Variants in SREBF1 observed in about 807,000 individuals in gnomAD.
SREBF1 encodes the protein sterol regulatory element-binding protein 1.
Under a neutral mutation model 100.1 loss-of-function variants are expected in SREBF1, and 45 were observed. That is an observed-to-expected ratio of 0.45 (90% CI 0.35 to 0.58). SREBF1 has a LOEUF of 0.58. SREBF1 is among the 20% of genes least tolerant of loss of function. The pLI is 0.00. For missense variants in SREBF1, 1,324 were observed against 1,539.4 expected (o/e 0.86, Z 2.34); for synonymous variants, 657 against 681.8 (o/e 0.96, Z 0.57).
rs2033913624 is a variant in SREBF1, at chr17:17,819,430, T to C, written c.736A>G (p.Lys246Glu). 1 of 1,613,680 alleles carries C rather than the reference T, an allele frequency of 6.2e-7. No homozygotes were observed. Among genetic ancestry groups the C allele is most frequent in the Non-Finnish European group, 8.5e-7 (1 of 1,180,044 alleles). ...VPVLLQPHFI[K>E]ADSLLLTAMK... ...GCTGTCAGAAGCAGCGAGTCTGCCTTGATGAAGTGGGGCTGCAGCAGGACC... is the reference window on the plus strand; with the variant it reads ...GCTGTCAGAAGCAGCGAGTCTGCCTCGATGAAGTGGGGCTGCAGCAGGACC... The change falls in exon 4 of 19, where the codon AAG becomes GAG. Residue 246 changes from lysine (K) to glutamate (E), a missense_variant. Lys to Glu is a moderately conservative substitution (Grantham distance 56, BLOSUM62 1). Coordinates refer to ENST00000261646, the MANE Select transcript of SREBF1 (RefSeq NM_004176.5).
In SREBF1 at chr17:17,816,566, T is replaced by C. The variant is rs1259883009; in HGVS notation, c.1938A>G (p.Ala646=). The C allele has an allele frequency of 1.2e-6, 2 of 1,605,514 alleles. No homozygotes were observed. The highest frequency in any genetic ancestry group is 1.7e-6 in the Non-Finnish European group (2 of 1,177,034). ...LQRLWVGRWL[A]GRAGGLQQDC... is the part of the protein sequence containing the mutation. The stretch of plus-strand genomic sequence containing the variant: ...CCTGCTGCAGGCCCCCTGCCCGGCC[T>C]GCCAGCCAGCGGCCCACCCAGAGAC... The change falls in exon 10 of 19, where the codon GCA becomes GCG. Residue 646 remains alanine, a synonymous_variant. Coordinates refer to ENST00000261646, the MANE Select transcript of SREBF1 (RefSeq NM_004176.5).
chr17:17,819,868 A>T (rs535533595), intron 2 of SREBF1, 143 bp from the exon 3 acceptor site: 1 of 1,271,664 alleles, frequency 7.9e-7, no homozygotes, highest in East Asian at 2.5e-5. Context: ...CTGGGCTCTG[A>T]TGCAAATGCA....
In SREBF1 at chr17:17,819,299, T is replaced by C. The variant is rs1158608283; in HGVS notation, c.846+21A>G. ...TGTGTGTGTAGACCCCACTCCCTTA[T>C]GCCCTGCCCACGTCACCCACCGGCA... On this transcript the variant is annotated intron_variant, in intron 4 of 18. Coordinates refer to ENST00000261646, the MANE Select transcript of SREBF1 (RefSeq NM_004176.5). 7 of 1,613,548 alleles carry C rather than the reference T, an allele frequency of 4.3e-6. No individual in the cohort carries two copies. In the African/African-American group the frequency reaches 5.3e-5, roughly 12 times the overall value.
In SREBF1 at chr17:17,817,772, A is replaced by G; in HGVS notation, c.1328T>C (p.Leu443Pro). 6.2e-7 allele frequency: 1 copy of G among 1,613,780 alleles called. No homozygotes were observed. Among genetic ancestry groups the G allele is most frequent in the Admixed American group, 1.7e-5 (1 of 60,010 alleles). ...ACCGCTGCCACTGCCCCTGCTGCCA[A>G]GGGACAAGGGGCTGCTCTGGAAAGG... is the stretch of plus-strand genomic sequence containing the variant. ...GSPFQSSPLSLGSRGSGSGGS... is the reference protein window; with the variant it reads ...GSPFQSSPLSPGSRGSGSGGS... The change falls in exon 7 of 19, where the codon CTT (leucine) becomes CCT (proline). Residue 443 changes from leucine (L) to proline (P), a missense_variant. Physicochemically the swap from Leu to Pro is moderately conservative, Grantham distance 98. Coordinates refer to ENST00000261646, the MANE Select transcript of SREBF1 (RefSeq NM_004176.5). The surrounding 1 kb of genome is among the most constrained non-coding windows in gnomAD (Gnocchi z 6.6).
intron 1 of SREBF1, among the ~76,000 whole-genome samples, chr17:17,828,000 G>A (rs567149060): frequency 6.6e-6 from 1 of 152,280 alleles, no homozygotes; most frequent in East Asian, 1.9e-4. Flanking sequence ...CAAATTAGAG[G>A]CTGGGCCTCA....
rs779472546 is a variant in SREBF1, at chr17:17,816,333, C to T, written c.2088G>A (p.Ala696=). 57 of 1,586,068 alleles carry T rather than the reference C, an allele frequency of 3.6e-5. No individual in the cohort carries two copies. Among genetic ancestry groups the T allele is most frequent in the Non-Finnish European group, 4.3e-5 (50 of 1,168,638 alleles). The change falls in exon 11 of 19, where the codon GCG becomes GCA. Residue 696 remains alanine, a synonymous_variant. Transcript: ENST00000261646. The part of the protein sequence containing the change: ...TGGHLTATNL[A]LSALNLAECA... The stretch of plus-strand genomic sequence containing the variant: ...ACTCTGCCAGGTTCAGGGCACTCAG[C>T]GCCAGGTTGGTGGCAGTGAGGTGCC...
intron 1 of SREBF1, among the ~76,000 whole-genome samples, chr17:17,836,257 G>A (rs1271689365): frequency 2.0e-5 from 3 of 152,294 alleles, no homozygotes; most frequent in Admixed American, 2.0e-4. Flanking sequence ...AAGGGCGCGA[G>A]GCAGCGCCCA....
Position 17,814,841 on chromosome 17 carries a change from T to C in SREBF1, c.2596A>G (p.Thr866Ala), listed in dbSNP as rs1033709519. The C allele has an allele frequency of 3.8e-6, 6 of 1,595,668 alleles. No homozygotes were observed. In the African/African-American group the frequency reaches 8.0e-5, roughly 21 times the overall value. ...ACAGGGGCCGGGGACTCACCGGTGG[T>C]GGTGGCCATGCTGGAACTGATGGAG... ...SFSISSSMAT[T>A]TGVDPVAKWW... Residue 866 changes from threonine (T) to alanine (A), a missense_variant, in exon 14 of 19, where the codon ACC becomes GCC. Physicochemically the swap from Thr to Ala is moderately conservative, Grantham distance 58 (BLOSUM62 0). Transcript: ENST00000261646.
intron 1 of SREBF1, among the ~76,000 whole-genome samples, chr17:17,825,177 A>G (rs1435525910): frequency 6.6e-6 from 1 of 152,194 alleles, no homozygotes; most frequent in African/African-American, 2.4e-5. Flanking sequence ...ACAAGCAGAT[A>G]CTAGCCTGAG....
At position 17,824,910 on chromosome 17, in the gene SREBF1, G is replaced by A. The variant is rs1401878257; in HGVS notation, c.92-4389C>T. Reference sequence around the variant, plus strand: ...AGGCCCTTATTTCCCAGCTTTGGGAGGTTCAAGGACAACAGACGGCCTCTC... The same window carrying A: ...AGGCCCTTATTTCCCAGCTTTGGGAAGTTCAAGGACAACAGACGGCCTCTC... On this transcript the variant is annotated intron_variant, in intron 1 of 18. Transcript: ENST00000261646. The surrounding 1 kb of genome is among the most constrained non-coding windows in gnomAD (Gnocchi z 4.2). Among the ~76,000 whole-genome samples, 1 of 152,176 alleles carries A rather than the reference G, an allele frequency of 6.6e-6. No individual in the cohort carries two copies. Among genetic ancestry groups the A allele is most frequent in the Non-Finnish European group, 1.5e-5 (1 of 68,018 alleles).
At position 17,819,659 on chromosome 17, in the gene SREBF1, G is replaced by A. The variant is rs114001633; in HGVS notation, c.590C>T (p.Pro197Leu). 7.0e-3 allele frequency: 11,231 copies of A among 1,612,308 alleles called. 56 individuals are homozygous for A. Among genetic ancestry groups the A allele is most frequent in the Non-Finnish European group, 8.4e-3 (9,893 of 1,179,314 alleles). Residue 197 changes from proline (P) to leucine (L), a missense_variant, in exon 3 of 19, where the codon CCG (proline) becomes CTG (leucine). Transcript: ENST00000261646. ...GLPLASPPGV[P>L]PVSLHTQVQS... ...GACCTGGGTGTGCAAGGAGACGGGC[G>A]GGACCCCTGGCGGGGAAGCCAGTGG...
intron 1 of SREBF1, among the ~76,000 whole-genome samples, chr17:17,832,975 A>G (rs1346601136): frequency 6.6e-6 from 1 of 151,876 alleles, no homozygotes. Context: ...CTCAGTGTCC[A>G]CTGCAGCAGT....
Position 17,819,127 on chromosome 17 carries a change from G to A in SREBF1, c.954C>T (p.Ala318=). The A allele has an allele frequency of 6.2e-7, 1 of 1,614,142 alleles. No homozygotes were observed. The highest frequency in any genetic ancestry group is 8.5e-7 in the Non-Finnish European group (1 of 1,180,048). ...LAAGSKAPAS[A]QSRGEKRTAH... ...CTGTGCGCTTCTCTCCACGGCTCTG[G>A]GCAGAGGCCGGGGCCTTGCTGCCAG... The change falls in exon 5 of 19, where the codon GCC becomes GCT. Residue 318 remains alanine (A), a synonymous_variant. Transcript: ENST00000261646.
chr17:17,818,163 A>C, intron 6 of SREBF1, 97 bp downstream of exon 6: 1 of 809,128 alleles, frequency 1.2e-6, no homozygotes, highest in Non-Finnish European at 1.8e-6. Context: ...GTGGGCCAGA[A>C]CCAAGGGTGG....
rs753054739 is a variant in SREBF1, at chr17:17,817,104, G to C, written c.1639C>G (p.Pro547Ala). 2.5e-6 allele frequency: 4 copies of C among 1,612,988 alleles called. No individual in the cohort carries two copies. The highest frequency in any genetic ancestry group is 3.4e-6 in the Non-Finnish European group (4 of 1,179,890). ...AGCCCATTGAGCAGCCAGACCACTG[G>C]GGGCAGCAGCCACTGGGCCCAGCCA... ...GPGWAQWLLPPVVWLLNGLLV... is the reference protein window; with the variant it reads ...GPGWAQWLLPAVVWLLNGLLV... The change falls in exon 9 of 19, where the codon CCA becomes GCA. Residue 547 changes from proline to alanine, a missense_variant. Transcript: ENST00000261646. The surrounding 1 kb of genome is among the most constrained non-coding windows in gnomAD (Gnocchi z 6.6).
intron 1 of SREBF1, among the ~76,000 whole-genome samples, chr17:17,830,091 T>A (rs2034765252): frequency 6.6e-6 from 1 of 152,266 alleles, no homozygotes; most frequent in Non-Finnish European, 1.5e-5. Flanking sequence ...GCCTGGTACA[T>A]CCTAGAAACT....
intron 5 of SREBF1, 179 bp from the exon 6 acceptor site, chr17:17,818,553 C>A: frequency 1.6e-6 from 1 of 637,566 alleles, no homozygotes; most frequent in Middle Eastern, 4.0e-4. Context: ...CCTCCCAGGC[C>A]GGGCATAGGG....
intron 1 of SREBF1, among the ~76,000 whole-genome samples, chr17:17,834,601 G>C (rs1263493289): frequency 1.3e-5 from 2 of 152,268 alleles, no homozygotes; most frequent in South Asian, 2.1e-4. Flanking sequence ...TCATAGACTA[G>C]ACCTTGGGCC....
At chr17:17,816,839 C>A in intron 9 of SREBF1, 119 bp downstream of exon 9, 1 of 1,588,954 alleles carries the variant, frequency 6.3e-7, no homozygotes, top group Non-Finnish European at 8.6e-7. Context: ...CGTGGCTAGG[C>A]ACAGGGAGGA....
Sources: gnomAD v4.1 joint callset for allele counts (sites outside exome capture counted in the v4.1 genomes callset) on GRCh38, gnomAD v4.1.1 for gene constraint, Gnocchi (gnomAD v3.1) non-coding constraint, MANE v1.5 for transcripts, NCBI Gene and HGNC (gene_info 2026-07-23, HGNC 2026-07-21) for gene names.